Variants in INPP5B observed in about 807,000 individuals in gnomAD.
INPP5B encodes the protein type II inositol 1,4,5-trisphosphate 5-phosphatase.
Under a neutral mutation model 118.5 loss-of-function variants are expected in INPP5B, and 90 were observed. The observed-to-expected ratio is 0.76, with a 90% CI of 0.64 to 0.90. The LOEUF (loss-of-function observed/expected upper bound fraction) is 0.90. Ranked by LOEUF, INPP5B falls within the 40% of genes least tolerant of loss-of-function variation. The pLI is 0.00. For synonymous variants in INPP5B, 385 were observed against 418.9 expected (o/e 0.92, Z 0.99); for missense variants, 984 against 1,125.6 (o/e 0.87, Z 1.80).
chr1:37,898,643 C>T (rs556254923), intron 7 of INPP5B, among the ~76,000 whole-genome samples: 1 of 150,704 alleles, frequency 6.6e-6, no homozygotes, highest in Admixed American at 6.6e-5. Context: ...TGCAGTGAGC[C>T]GAGATCGCGC....
At chr1:37,922,020 A>G (rs1028808261) in intron 7 of INPP5B, among the ~76,000 whole-genome samples, 14 of 151,962 alleles carry the variant, frequency 9.2e-5, no homozygotes, top group African/African-American at 3.1e-4. Context: ...CAACAGAGCA[A>G]GACTGTCTCA....
chr1:37,941,402 C>T (rs1267398977), intron 5 of INPP5B, among the ~76,000 whole-genome samples: 1 of 152,118 alleles, frequency 6.6e-6, no homozygotes, highest in East Asian at 1.9e-4. Flanking sequence ...AATCCCAGCA[C>T]TTTGGGAGGC....
At chr1:37,886,548 TAAG>T (rs1643546849) in intron 12 of INPP5B, among the ~76,000 whole-genome samples, 1 of 152,178 alleles carries the variant, frequency 6.6e-6, no homozygotes, top group Non-Finnish European at 1.5e-5. Context: ...ATGGCCTCAA[TAAG>T]AAGAGGAAAT....
At chr1:37,901,895 C>A (rs900774397) in intron 7 of INPP5B, among the ~76,000 whole-genome samples, 2 of 152,130 alleles carry the variant, frequency 1.3e-5, no homozygotes, top group Non-Finnish European at 2.9e-5. Context: ...TAACCTCAGA[C>A]CTCCAATCTT....
At chr1:37,871,895 CAAAAAAA>C (rs368128622) in intron 19 of INPP5B, among the ~76,000 whole-genome samples, 1 of 112,550 alleles carries the variant, frequency 8.9e-6, no homozygotes, top group African/African-American at 3.3e-5. Context: ...GACTCTGTTT[CAAAAAAA>C]AAAAAAAAAA....
In INPP5B at chr1:37,925,959, T is replaced by C. The variant is rs17806141; in HGVS notation, c.532+5954A>G. Reference sequence around the variant, plus strand: ...GCAGAGCTTCCCACAACGGTGGAAATGATGGGCAATATTTGTTCTCTAAGA... The same window carrying C: ...GCAGAGCTTCCCACAACGGTGGAAACGATGGGCAATATTTGTTCTCTAAGA... On this transcript the variant is annotated intron_variant, in intron 7 of 23. Coordinates refer to ENST00000373024, the MANE Select transcript of INPP5B (RefSeq NM_005540.3). Among the ~76,000 whole-genome samples, 447 of 152,278 alleles carry C rather than the reference T, an allele frequency of 2.9e-3. 1 individual carries two copies. The highest frequency in any genetic ancestry group is 3.5e-3 in the Non-Finnish European group (237 of 68,016).
At chr1:37,913,706 C>T (rs1427627431) in intron 7 of INPP5B, among the ~76,000 whole-genome samples, 3 of 152,148 alleles carry the variant, frequency 2.0e-5, no homozygotes, top group Admixed American at 6.6e-5. Flanking sequence ...TATCTCTCCA[C>T]ATCGCCCCTA....
At chr1:37,931,475 C>T in intron 7 of INPP5B, 1 of 1,533,328 alleles carries the variant, frequency 6.5e-7, no homozygotes, top group South Asian at 1.2e-5. Context: ...TTCCCACCCG[C>T]CTACCCTCGT....
intron 7 of INPP5B, among the ~76,000 whole-genome samples, chr1:37,916,788 C>T (rs1387037649): frequency 6.6e-6 from 1 of 151,978 alleles, no homozygotes; most frequent in African/African-American, 2.4e-5. Flanking sequence ...ATGGAAATAC[C>T]CCATTTGTTT....
At chr1:37,879,889 G>A (rs1643087155) in intron 15 of INPP5B, among the ~76,000 whole-genome samples, 196 bp downstream of exon 15, 1 of 152,206 alleles carries the variant, frequency 6.6e-6, no homozygotes, top group South Asian at 2.1e-4. Flanking sequence ...AAAGGCTAAG[G>A]CAGTCACAAA....
rs767559797 is a variant in INPP5B, at chr1:37,887,391, G to A, written c.974C>T (p.Ala325Val). The A allele has an allele frequency of 6.2e-7, 1 of 1,613,646 alleles. No individual in the cohort carries two copies. ...DTPKEEEWFKAVSEGLHPDAK... is the reference protein window; with the variant it reads ...DTPKEEEWFKVVSEGLHPDAK... The stretch of plus-strand genomic sequence containing the variant: ...ATCTGGATGAAGACCCTCTGACACA[G>A]CTTTGAACCACTCTTCCTCCTTTGG... The change falls in exon 11 of 24, where the codon GCT becomes GTT. Residue 325 changes from alanine to valine, a missense_variant. By Grantham distance (64) the Ala-to-Val change is moderately conservative. This residue lies in a region of INPP5B where 634 missense variants were observed against 791.0 expected (regional missense o/e 0.80). Coordinates refer to ENST00000373024, the MANE Select transcript of INPP5B (RefSeq NM_005540.3).
At chr1:37,903,817 G>A (rs182076495) in intron 7 of INPP5B, among the ~76,000 whole-genome samples, 3 of 152,302 alleles carry the variant, frequency 2.0e-5, no homozygotes, top group African/African-American at 4.8e-5. Context: ...TTGAACCTGG[G>A]AGGCAGAGGT....
Position 37,872,922 on chromosome 1 carries a change from T to G in INPP5B, c.2187+8A>C. On this transcript the variant is annotated splice_region_variant and intron_variant, in intron 19 of 23. Transcript: ENST00000373024. ...GTTCTAGATGTTTCTTTGTGGCATA[T>G]TACTCACCAGCTCACTAATGGTTTC... 6.2e-7 allele frequency: 1 copy of G among 1,602,060 alleles called. No individual in the cohort carries two copies. Among genetic ancestry groups the G allele is most frequent in the Non-Finnish European group, 8.6e-7 (1 of 1,169,318 alleles).
Position 37,862,256 on chromosome 1 carries a change from G to T in INPP5B, c.*59C>A. The T allele has an allele frequency of 1.8e-6, 2 of 1,111,544 alleles. No individual in the cohort carries two copies. The highest frequency in any genetic ancestry group is 2.7e-6 in the Non-Finnish European group (2 of 727,904). 68.9% of individuals were successfully genotyped at this position (1,111,544 alleles called of 1,614,324 possible). The stretch of plus-strand genomic sequence containing the variant: ...ATAATTATCTTAAGGCATCTCTTGA[G>T]CTGAAACAGGTGGGGCTGGTAATTG... On this transcript the variant is annotated 3_prime_UTR_variant, in exon 24 of 24. Transcript: ENST00000373024.
In INPP5B at chr1:37,947,031, C is replaced by G. The variant is rs1646132589; in HGVS notation, c.-68G>C. The G allele has an allele frequency of 6.6e-6, 1 of 152,186 alleles. No homozygotes were observed. The highest frequency in any genetic ancestry group is 2.4e-5 in the African/African-American group (1 of 41,400). 9.4% of individuals were successfully genotyped at this position (152,186 alleles called of 1,614,324 possible). ...ACAGGGCGCACGGGACTCCGCTGCC[C>G]CAGGTTCCGGGACAGTGACTACATT... On this transcript the variant is annotated 5_prime_UTR_variant, in exon 1 of 24. Transcript: ENST00000373024.
chr1:37,890,267 C>T (rs1462804050), intron 8 of INPP5B, among the ~76,000 whole-genome samples: 2 of 151,446 alleles, frequency 1.3e-5, no homozygotes, highest in Non-Finnish European at 2.9e-5. Context: ...CCCAGCTCCT[C>T]GGGAGGCTGA....
At chr1:37,927,665 T>G (rs1451420631) in intron 7 of INPP5B, among the ~76,000 whole-genome samples, 2 of 151,432 alleles carry the variant, frequency 1.3e-5, no homozygotes, top group African/African-American at 4.9e-5. Flanking sequence ...GCCTCCCGAG[T>G]AGCTGGGACT....
At chr1:37,886,691 T>C (rs923446528) in intron 12 of INPP5B, among the ~76,000 whole-genome samples, 197 bp downstream of exon 12, 2 of 152,326 alleles carry the variant, frequency 1.3e-5, no homozygotes, top group Admixed American at 1.3e-4. Context: ...CAGGCGCTAA[T>C]TGGTTAAATC....
At chr1:37,887,090 A>C in intron 11 of INPP5B, 86 bp from the exon 12 acceptor site, 1 of 1,090,838 alleles carries the variant, frequency 9.2e-7, no homozygotes, top group Non-Finnish European at 1.4e-6. Flanking sequence ...GCTGGCTGAG[A>C]GTATTCACGT....
Sources: gnomAD v4.1 joint callset for allele counts (sites outside exome capture counted in the v4.1 genomes callset) on GRCh38, gnomAD v4.1.1 for gene constraint, gnomAD v4.1.1 regional missense constraint, MANE v1.5 for transcripts, NCBI Gene and HGNC (gene_info 2026-07-23, HGNC 2026-07-21) for gene names.